The following TMEM108 variants were observed in gnomAD, a reference collection of about 807,000 sequenced individuals.
The protein encoded by TMEM108 is transmembrane protein 108.
A neutral mutation model predicts 35.1 loss-of-function variants in TMEM108; 12 were observed. The ratio of observed to expected loss-of-function variants is 0.34; its 90% CI spans 0.22 to 0.55. TMEM108 has a LOEUF of 0.55. Ranked by LOEUF, TMEM108 falls within the 20% of genes least tolerant of loss-of-function variation. The pLI is 0.89. For missense variants in TMEM108, 680 were observed against 753.3 expected (o/e 0.90, Z 1.14); for synonymous variants, 287 against 308.6 (o/e 0.93, Z 0.73).
intron 3 of TMEM108, among the ~76,000 whole-genome samples, chr3:133,324,097 C>T (rs2071299964): frequency 6.6e-6 from 1 of 152,176 alleles, no homozygotes; most frequent in Non-Finnish European, 1.5e-5. Flanking sequence ...CAGAAAAACT[C>T]TTCCATACAT....
intron 3 of TMEM108, among the ~76,000 whole-genome samples, chr3:133,321,452 C>T (rs2071266845): frequency 6.6e-6 from 1 of 152,106 alleles, no homozygotes; most frequent in Non-Finnish European, 1.5e-5. Context: ...AAGGATCAAT[C>T]CAACTGGAAA....
At chr3:133,185,767 T>G (rs150654148) in intron 2 of TMEM108, among the ~76,000 whole-genome samples, 1,164 of 85,916 alleles carry the variant, frequency 0.014, 13 homozygotes, top group African/African-American at 0.053. Flanking sequence ...TGCGTTTCTT[T>G]TCTTTTCTTT....
In TMEM108 at chr3:133,046,531, A is replaced by G. The variant is rs371233197; in HGVS notation, c.-47+511A>G. 3.3e-5 allele frequency among the ~76,000 whole-genome samples: 5 copies of G among 152,356 alleles called. No homozygotes were observed. The East Asian group carries it at 9.6e-4, about 29-fold the overall frequency. On this transcript the variant is annotated intron_variant, in intron 2 of 5. Transcript: ENST00000321871. ...GTGTATAATAGCACTAGCAAAGTAC[A>G]TGGTTTTGCCTGTTCCATTTTATTT...
chr3:133,306,518 C>T (rs544280130), intron 3 of TMEM108, among the ~76,000 whole-genome samples: 1 of 152,210 alleles, frequency 6.6e-6, no homozygotes, highest in Non-Finnish European at 1.5e-5. Flanking sequence ...CCTCCCCCAG[C>T]CCCCCACTCA....
chr3:133,263,148 T>G (rs952935601), intron 3 of TMEM108, among the ~76,000 whole-genome samples: 6 of 152,182 alleles, frequency 3.9e-5, no homozygotes, highest in Admixed American at 1.3e-4. Context: ...CCAGACAACC[T>G]TGTGTGGTGA....
chr3:133,085,929 A>T (rs1356087255), intron 2 of TMEM108, among the ~76,000 whole-genome samples: 1 of 152,156 alleles, frequency 6.6e-6, no homozygotes, highest in Non-Finnish European at 1.5e-5. Flanking sequence ...TATTTTGGAA[A>T]TGGAATCTAT....
intron 2 of TMEM108, among the ~76,000 whole-genome samples, chr3:133,058,999 A>G (rs1355574810): frequency 6.6e-6 from 1 of 152,230 alleles, no homozygotes; most frequent in Non-Finnish European, 1.5e-5. Context: ...GAAGTCTGAG[A>G]TCAGGGTGCC....
chr3:133,183,980 C>T (rs1437953741), intron 2 of TMEM108, among the ~76,000 whole-genome samples: 1 of 152,086 alleles, frequency 6.6e-6, no homozygotes. Flanking sequence ...CATAAGGGCA[C>T]ATGATGATAA....
intron 3 of TMEM108, among the ~76,000 whole-genome samples, chr3:133,264,473 A>G (rs545372274): frequency 1.3e-5 from 2 of 152,322 alleles, no homozygotes; most frequent in Admixed American, 1.3e-4. Context: ...TGAAACTGTG[A>G]TATTCTCAGC....
At chr3:133,096,906 G>A (rs1239916324) in intron 2 of TMEM108, among the ~76,000 whole-genome samples, 1 of 152,222 alleles carries the variant, frequency 6.6e-6, no homozygotes, top group African/African-American at 2.4e-5. Flanking sequence ...GTTAACTTGA[G>A]CAGTTGGCCC....
intron 2 of TMEM108, among the ~76,000 whole-genome samples, chr3:133,112,172 A>G (rs1403911899): frequency 6.6e-6 from 1 of 152,144 alleles, no homozygotes; most frequent in African/African-American, 2.4e-5. Context: ...GCTGGATTGC[A>G]GGAGAATGGT....
chr3:133,124,844 A>G (rs1254074023), intron 2 of TMEM108: 1 of 152,344 alleles, frequency 6.6e-6, no homozygotes, highest in Non-Finnish European at 1.5e-5. Context: ...AGACGGCAGC[A>G]TCTACGGTTC....
intron 2 of TMEM108, among the ~76,000 whole-genome samples, chr3:133,225,952 T>C (rs1459086100): frequency 6.6e-6 from 1 of 152,240 alleles, no homozygotes; most frequent in Non-Finnish European, 1.5e-5. Context: ...CCTTAGAACA[T>C]GTGCCCAAGA....
intron 2 of TMEM108, among the ~76,000 whole-genome samples, chr3:133,144,011 T>C (rs979252824): frequency 1.3e-5 from 2 of 150,322 alleles, no homozygotes; most frequent in East Asian, 1.9e-4. Flanking sequence ...CTGGGGTACA[T>C]GTGCAGAACG....
At chr3:133,358,196 A>T (rs1453996092) in intron 3 of TMEM108, among the ~76,000 whole-genome samples, 3 of 150,852 alleles carry the variant, frequency 2.0e-5, no homozygotes, top group African/African-American at 7.3e-5. Context: ...TTTTGAGATG[A>T]AGTCTTGCTC....
chr3:133,254,170 T>C (rs1946511683), intron 3 of TMEM108, among the ~76,000 whole-genome samples: 1 of 152,200 alleles, frequency 6.6e-6, no homozygotes. Context: ...AGATCTCATC[T>C]CTACCAAAAT....
chr3:133,314,801 A>G (rs2071176219), intron 3 of TMEM108, among the ~76,000 whole-genome samples: 1 of 152,224 alleles, frequency 6.6e-6, no homozygotes, highest in Non-Finnish European at 1.5e-5. Context: ...TAGTCCTTAG[A>G]AATAGCTCAT....
chr3:133,255,850 A>C (rs1383091222), intron 3 of TMEM108, among the ~76,000 whole-genome samples: 1 of 152,076 alleles, frequency 6.6e-6, no homozygotes, highest in Non-Finnish European at 1.5e-5. Flanking sequence ...TTAGACAGGC[A>C]TGGTGGTGCA....
intron 2 of TMEM108, among the ~76,000 whole-genome samples, chr3:133,149,333 C>A (rs1474283018): frequency 6.6e-6 from 1 of 152,136 alleles, no homozygotes; most frequent in Non-Finnish European, 1.5e-5. Context: ...AATTAACATC[C>A]ATCACCTCAT....
Sources: allele counts gnomAD v4.1 joint callset (sites outside exome capture counted in the v4.1 genomes callset), GRCh38; gene constraint gnomAD v4.1.1; transcripts MANE v1.5; gene names NCBI Gene and HGNC (gene_info 2026-07-23, HGNC 2026-07-21).